The following HUWE1 variants were observed in gnomAD, a reference collection of about 807,000 sequenced individuals.
HUWE1 encodes HECT, UBA and WWE domain containing E3 ubiquitin protein ligase 1, also known as E3 ubiquitin-protein ligase HUWE1.
HUWE1 carries 18 observed loss-of-function variants against 299.4 expected under a neutral mutation model. The observed-to-expected ratio is 0.06, with a 90% CI of 0.04 to 0.09. HUWE1 has a LOEUF of 0.09. Among genes scored for constraint, HUWE1 ranks in the 10% least tolerant of loss-of-function variants. The pLI is 1.00. For missense variants in HUWE1, 1,832 were observed against 3,462.3 expected, an observed-to-expected ratio of 0.53 and a Z score of 11.82; for synonymous variants, 1,317 against 1,286.1, an observed-to-expected ratio of 1.02 and a Z score of -0.51.
chrX:53,571,576 T>C (rs142240838), intron 47 of HUWE1, among the ~76,000 whole-genome samples: 1,565 of 111,712 alleles, frequency 0.014, 28 homozygotes, highest in African/African-American at 0.049. Flanking sequence ...CATTCTAGCC[T>C]GGGAGACAAA....
intron 43 of HUWE1, among the ~76,000 whole-genome samples, chrX:53,578,957 C>T (rs1730693149): frequency 2.8e-5 from 2 of 71,208 alleles, no homozygotes; most frequent in African/African-American, 5.7e-5. Flanking sequence ...TGAGGGGCGC[C>T]TCTGCCCGGC....
intron 19 of HUWE1, among the ~76,000 whole-genome samples, chrX:53,620,251 AT>A (rs200512159): frequency 1.2e-5 from 1 of 84,331 alleles, no homozygotes; most frequent in Non-Finnish European, 2.5e-5. Flanking sequence ...TGGAGCTTCC[AT>A]TTGTCTTTTT....
In HUWE1 at chrX:53,551,377, G is replaced by A; in HGVS notation, c.8985C>T (p.Thr2995=). The A allele has an allele frequency of 8.3e-7, 1 of 1,209,657 alleles. No individual in the cohort carries two copies. The highest frequency in any genetic ancestry group is 1.1e-6 in the Non-Finnish European group (1 of 894,408). The change falls in exon 64 of 84, where the codon ACC becomes ACT. Residue 2995 remains threonine, a synonymous_variant. Coordinates refer to ENST00000262854, the MANE Select transcript of HUWE1 (RefSeq NM_031407.7). ...AGCTATTTGTGGAGGGGGCAGTCCG[G>A]GTTGGTGGACGAATGCCTAGCTGGT... ...LQNQLGIRPP[T]RTAPSTNSSA...
In HUWE1 at chrX:53,624,658, G is replaced by A; in HGVS notation, c.1609C>T (p.Pro537Ser). 8.3e-7 allele frequency: 1 copy of A among 1,197,796 alleles called. No homozygotes were observed. Among genetic ancestry groups the A allele is most frequent in the Non-Finnish European group, 1.1e-6 (1 of 882,797 alleles). The change falls in exon 19 of 84, where the codon CCT (proline) becomes TCT (serine). Residue 537 changes from proline to serine, a missense_variant. By Grantham distance (74) the Pro-to-Ser change is moderately conservative (BLOSUM62 -1). Transcript: ENST00000262854. ...CTGATGATGTGTTTCAGGGAGGTAGGCAGAGAACCATCCATCACTAAAAGA... is the reference window on the plus strand; with the variant it reads ...CTGATGATGTGTTTCAGGGAGGTAGACAGAGAACCATCCATCACTAAAAGA... ...GIRHVMDGSL[P>S]TSLKHIISNA... is the part of the protein sequence containing the mutation.
rs147480463 is a variant in HUWE1 at position 53,575,148 on chromosome X, T to G, written c.6097+7A>C. ...AGAACATGGTAGTGAGAAAAGCAAATCATTACCCTCTCCTTGGGAGGTCCC... is the reference window on the plus strand; with the variant it reads ...AGAACATGGTAGTGAGAAAAGCAAAGCATTACCCTCTCCTTGGGAGGTCCC... On this transcript the variant is annotated splice_region_variant and intron_variant, in intron 46 of 83. Coordinates refer to ENST00000262854, the MANE Select transcript of HUWE1 (RefSeq NM_031407.7). 1,415 of 1,188,360 alleles carry G rather than the reference T, an allele frequency of 1.2e-3. 9 individuals carry two copies. In the African/African-American group the frequency reaches 0.023, roughly 19 times the overall value.
chrX:53,554,236 T>C lies in HUWE1; in HGVS notation c.8494+397A>G, dbSNP rs12559227. ...CCATCGATTTTGGAGAGTTTTTTTT[T>C]CCCCCCAATAGAGATGGGGTCTATG... is the stretch of plus-strand genomic sequence containing the variant. On this transcript the variant is annotated intron_variant, in intron 61 of 83. Transcript: ENST00000262854. 2.8e-3 allele frequency among the ~76,000 whole-genome samples: 307 copies of C among 110,693 alleles called. 1 individual carries two copies. Among genetic ancestry groups the C allele is most frequent in the Non-Finnish European group, 4.7e-3 (249 of 52,866 alleles).
intron 19 of HUWE1, 70 bp downstream of exon 19, chrX:53,624,525 G>A (rs1557015277): frequency 2.9e-6 from 2 of 693,081 alleles, no homozygotes; most frequent in East Asian, 3.3e-5. Context: ...AAGTAAGTAA[G>A]TAAATACAGA....
chrX:53,594,029 G>A (rs1314028816), intron 31 of HUWE1, among the ~76,000 whole-genome samples: 5 of 110,600 alleles, frequency 4.5e-5, no homozygotes, highest in African/African-American at 6.6e-5. Flanking sequence ...CCCGGGAGGC[G>A]GACCTTGCAG....
chrX:53,664,207 C>T (rs968316815), intron 3 of HUWE1, among the ~76,000 whole-genome samples: 2 of 111,229 alleles, frequency 1.8e-5, no homozygotes, highest in Admixed American at 9.6e-5. Context: ...CACTCTACCA[C>T]GCCTGGCTAA....
chrX:53,552,939 G>T (rs782790152), intron 61 of HUWE1, 46 bp from the exon 62 acceptor site: 37 of 1,196,331 alleles, frequency 3.1e-5, no homozygotes, highest in African/African-American at 3.0e-4. Context: ...TCTGGAACCG[G>T]GGCAAAATGA....
rs2065696167 is a variant in HUWE1 at position 53,614,750 on chromosome X, A to G, written c.2050-5T>C. The G allele has an allele frequency of 8.8e-7, 1 of 1,135,066 alleles. No homozygotes were observed. The highest frequency in any genetic ancestry group is 3.0e-5 in the East Asian group (1 of 33,556). 93.5% of individuals were successfully genotyped at this position (1,135,066 alleles called of 1,213,427 possible). ...ATTACAGATTTCTTCAAGTAACTGA[A>G]AGGCACAGGAAATAAGATTACTTAT... On this transcript the variant is annotated splice_polypyrimidine_tract_variant and splice_region_variant and intron_variant, in intron 22 of 83. Transcript: ENST00000262854.
At chrX:53,613,994 G>A (rs1227843359) in intron 23 of HUWE1, among the ~76,000 whole-genome samples, 1 of 112,395 alleles carries the variant, frequency 8.9e-6, no homozygotes, top group Non-Finnish European at 1.9e-5. Context: ...GCCGGATGCG[G>A]TAGCTCACGC....
chrX:53,550,816 T>C, intron 65 of HUWE1, 48 bp from the exon 66 acceptor site: 4 of 1,191,692 alleles, frequency 3.4e-6, no homozygotes, highest in Non-Finnish European at 3.4e-6. Flanking sequence ...GGGTGTAAAC[T>C]GGATATAGGT....
chrX:53,570,394 T>C (rs782291696), intron 47 of HUWE1, among the ~76,000 whole-genome samples: 1 of 112,811 alleles, frequency 8.9e-6, no homozygotes, highest in African/African-American at 3.2e-5. Context: ...CCTAAAGAAG[T>C]GGCTTGCACA....
At position 53,629,506 on chromosome X, in the gene HUWE1, A is replaced by C; in HGVS notation, c.963+10T>G. On this transcript the variant is annotated intron_variant, in intron 13 of 83. Transcript: ENST00000262854. The stretch of plus-strand genomic sequence containing the variant: ...ACAGCTAAGGGTTACTCAACCTGTA[A>C]AATACTTACCATAAGCTGCTTATCC... 2 of 1,119,636 alleles carry C rather than the reference A, an allele frequency of 1.8e-6. No individual in the cohort carries two copies. The highest frequency in any genetic ancestry group is 2.4e-4 in the Middle Eastern group (1 of 4,136). The allele number at this position is 1,119,636 out of a possible 1,213,427, so 92.3% of individuals were successfully genotyped here.
chrX:53,533,511 C>A, intron 83 of HUWE1, 100 bp from the exon 84 acceptor site: 1 of 568,894 alleles, frequency 1.8e-6, no homozygotes, highest in Non-Finnish European at 3.1e-6. Flanking sequence ...CCTGAAGAAA[C>A]CAACTCCCTG....
intron 3 of HUWE1, among the ~76,000 whole-genome samples, chrX:53,676,410 A>G (rs2069825450): frequency 9.0e-6 from 1 of 111,553 alleles, no homozygotes; most frequent in East Asian, 2.8e-4. Flanking sequence ...GGCTTCTCAA[A>G]CCTTTCCACC....
At chrX:53,561,298 C>A (rs367914566) in intron 55 of HUWE1, among the ~76,000 whole-genome samples, 1 of 111,913 alleles carries the variant, frequency 8.9e-6, no homozygotes, top group South Asian at 3.8e-4. Flanking sequence ...GAGATTCACT[C>A]GTTCTCCCGA....
intron 36 of HUWE1, 30 bp downstream of exon 36, chrX:53,589,517 C>T: frequency 2.5e-6 from 3 of 1,199,269 alleles, no homozygotes; most frequent in Non-Finnish European, 2.3e-6. Context: ...ACTTCACATA[C>T]TCCCCTCTTC....
Sources: allele counts gnomAD v4.1 joint callset (sites outside exome capture counted in the v4.1 genomes callset), GRCh38; gene constraint gnomAD v4.1.1; transcripts MANE v1.5; gene names NCBI Gene and HGNC (gene_info 2026-07-23, HGNC 2026-07-21).